The following TCAIM variants were observed in gnomAD, a reference collection of about 807,000 sequenced individuals.
TCAIM encodes the protein T cell activation inhibitor, mitochondrial, also known as T-cell activation inhibitor, mitochondrial.
TCAIM carries 36 observed loss-of-function variants against 58.6 expected under a neutral mutation model. That is an observed-to-expected ratio of 0.61 (90% CI 0.47 to 0.81). TCAIM has a LOEUF of 0.81. Among genes scored for constraint, TCAIM ranks in the 30% least tolerant of loss-of-function variants. The pLI is 0.00. For synonymous variants in TCAIM, 172 were observed against 193.6 expected (o/e 0.89, Z 0.93); for missense variants, 466 against 579.6 (o/e 0.80, Z 2.01).
intron 2 of TCAIM, among the ~76,000 whole-genome samples, chr3:44,355,791 G>C (rs190234003): frequency 2.0e-5 from 3 of 152,318 alleles, no homozygotes; most frequent in Non-Finnish European, 4.4e-5. Context: ...CTGGCCTTCT[G>C]TAACCAGGCT....
chr3:44,373,762 C>T (rs530623722), intron 5 of TCAIM, among the ~76,000 whole-genome samples: 18 of 152,056 alleles, frequency 1.2e-4, no homozygotes, highest in South Asian at 4.2e-4. Flanking sequence ...AATGCTGTTC[C>T]GTGTTGTCAA....
chr3:44,371,487 A>G (rs976910309), intron 5 of TCAIM, among the ~76,000 whole-genome samples: 7 of 152,182 alleles, frequency 4.6e-5, no homozygotes, highest in African/African-American at 1.7e-4. Flanking sequence ...TAGGAGAGAG[A>G]GGACAGCACT....
rs1702136341 is a variant in TCAIM at position 44,408,584 on chromosome 3, T to C, written c.*902T>C. 1 of 152,122 alleles carries C rather than the reference T, an allele frequency of 6.6e-6. No homozygotes were observed. The highest frequency in any genetic ancestry group is 1.5e-5 in the Non-Finnish European group (1 of 68,014). 9.4% of individuals were successfully genotyped at this position (152,122 alleles called of 1,614,324 possible). A position where few individuals can be genotyped will look rare whatever the true frequency, so the allele number is the denominator to read the frequency against. ...GTATGAAACCAACAGGAAATGTTTT[T>C]TAATCATTTAGTGAGGTGATTCATT... is the stretch of plus-strand genomic sequence containing the variant. On this transcript the variant is annotated 3_prime_UTR_variant, in exon 11 of 11. Coordinates refer to ENST00000342649, the MANE Select transcript of TCAIM (RefSeq NM_173826.4).
chr3:44,367,849 G>A, intron 5 of TCAIM, 141 bp downstream of exon 5: 1 of 800,518 alleles, frequency 1.2e-6, no homozygotes, highest in Non-Finnish European at 1.9e-6. Flanking sequence ...TCCAGGAAAA[G>A]TAATACTATC....
intron 4 of TCAIM, among the ~76,000 whole-genome samples, chr3:44,365,098 C>T (rs957487157): frequency 7.6e-6 from 1 of 131,864 alleles, no homozygotes; most frequent in Admixed American, 8.1e-5. Flanking sequence ...TGACTTTGCA[C>T]TTCTGAGGAT....
intron 1 of TCAIM, 77 bp from the exon 2 acceptor site, chr3:44,354,662 G>T: frequency 4.3e-6 from 4 of 929,394 alleles, no homozygotes; most frequent in East Asian, 5.1e-5. Flanking sequence ...CATATTTTGG[G>T]GTGATAATAT....
At chr3:44,343,709 A>C (rs1458262724) in intron 1 of TCAIM, among the ~76,000 whole-genome samples, 1 of 152,180 alleles carries the variant, frequency 6.6e-6, no homozygotes, top group African/African-American at 2.4e-5. Flanking sequence ...CTTTTTAGGA[A>C]ATAGCTTGCT....
intron 5 of TCAIM, among the ~76,000 whole-genome samples, chr3:44,383,984 G>T (rs1186808226): frequency 6.6e-6 from 1 of 152,010 alleles, no homozygotes; most frequent in Non-Finnish European, 1.5e-5. Context: ...CTTGTTTATA[G>T]GTAATTTCAT....
chr3:44,363,563 A>G (rs535667006), intron 4 of TCAIM, among the ~76,000 whole-genome samples: 4 of 152,346 alleles, frequency 2.6e-5, no homozygotes, highest in African/African-American at 9.6e-5. Context: ...TTATTAATAC[A>G]TTGAAATCCT....
Position 44,407,442 on chromosome 3 carries a change from G to A in TCAIM, c.1251G>A (p.Glu417=). Residue 417 remains glutamate, a splice_region_variant and synonymous_variant, in exon 11 of 11, where the codon GAG becomes GAA. Transcript: ENST00000342649. ...QARENMKRKE[E]LKVIENELIQ... is the part of the protein sequence containing the mutation. ...AATATTTTTATTTTCTATATAATAG[G>A]TTAAAGGTTATTGAAAATGAATTGA... 3 of 1,507,186 alleles carry A rather than the reference G, an allele frequency of 2.0e-6. No individual in the cohort carries two copies. Among genetic ancestry groups the A allele is most frequent in the Non-Finnish European group, 2.8e-6 (3 of 1,090,138 alleles). The allele number at this position is 1,507,186 out of a possible 1,614,324, so 93.4% of individuals were successfully genotyped here.
At chr3:44,394,721 C>T (rs985638324) in intron 6 of TCAIM, among the ~76,000 whole-genome samples, 2 of 150,154 alleles carry the variant, frequency 1.3e-5, no homozygotes, top group African/African-American at 4.9e-5. Flanking sequence ...TGGTGAAACC[C>T]CGTCTCTACT....
intron 2 of TCAIM, among the ~76,000 whole-genome samples, chr3:44,356,598 C>T (rs144689543): frequency 3.4e-3 from 520 of 151,952 alleles, no homozygotes; most frequent in Non-Finnish European, 5.1e-3. Flanking sequence ...TTCAAAAAAC[C>T]GCAAATAATT....
intron 9 of TCAIM, chr3:44,400,951 A>T: frequency 2.0e-6 from 1 of 510,278 alleles, no homozygotes; most frequent in Non-Finnish European, 3.5e-6. Context: ...TAGCTCTCAC[A>T]ACCTCACTGT....
At chr3:44,339,472 A>G (rs1700809285) in intron 1 of TCAIM, among the ~76,000 whole-genome samples, 1 of 152,224 alleles carries the variant, frequency 6.6e-6, no homozygotes, top group South Asian at 2.1e-4. Context: ...GTACTCTTCC[A>G]TAATTTGGAT....
intron 5 of TCAIM, among the ~76,000 whole-genome samples, chr3:44,373,543 A>G (rs1701514770): frequency 6.6e-6 from 1 of 151,614 alleles, no homozygotes. Context: ...AGTCCCAGCT[A>G]CTTGGGTGAC....
intron 1 of TCAIM, among the ~76,000 whole-genome samples, chr3:44,341,998 T>C (rs1025721077): frequency 6.6e-6 from 1 of 152,230 alleles, no homozygotes; most frequent in African/African-American, 2.4e-5. Flanking sequence ...TTAAATGTGC[T>C]GTCCAGATAA....
At position 44,361,353 on chromosome 3, in the gene TCAIM, G is replaced by A. The variant is rs768749322; in HGVS notation, c.166-12G>A. On this transcript the variant is annotated splice_polypyrimidine_tract_variant and intron_variant, in intron 3 of 10. Transcript: ENST00000342649. ...TATTTTGTATGTAAATGCCCTTAATGTTTTTTTCCAGGAAATCAATGAAAA... is the reference window on the plus strand; with the variant it reads ...TATTTTGTATGTAAATGCCCTTAATATTTTTTTCCAGGAAATCAATGAAAA... 6.3e-7 allele frequency: 1 copy of A among 1,588,044 alleles called. No individual in the cohort carries two copies. The highest frequency in any genetic ancestry group is 2.3e-5 in the East Asian group (1 of 44,424).
intron 5 of TCAIM, among the ~76,000 whole-genome samples, chr3:44,375,278 G>A (rs1272570468): frequency 1.3e-5 from 2 of 152,130 alleles, no homozygotes; most frequent in East Asian, 3.8e-4. Context: ...AAGAAAAGAG[G>A]TTTGTTTGGC....
rs774113824 is a variant in TCAIM, at chr3:44,407,586, T to G, written c.1395T>G (p.His465Gln). ...RLLEQSLPYL[H>Q]GMHLCISHFY... ...TAGAACAATCACTGCCTTACCTACA[T>G]GGGATGCACCTCTGCATTTCACATT... Residue 465 changes from histidine (H) to glutamine (Q), a missense_variant, in exon 11 of 11, where the codon CAT becomes CAG. Physicochemically the swap from His to Gln is conservative, Grantham distance 24. Coordinates refer to ENST00000342649, the MANE Select transcript of TCAIM (RefSeq NM_173826.4). 2 of 1,613,926 alleles carry G rather than the reference T, an allele frequency of 1.2e-6. No individual in the cohort carries two copies. The highest frequency in any genetic ancestry group is 2.7e-5 in the African/African-American group (2 of 74,926).
Sources: allele counts gnomAD v4.1 joint callset (sites outside exome capture counted in the v4.1 genomes callset), GRCh38; gene constraint gnomAD v4.1.1; transcripts MANE v1.5; gene names NCBI Gene and HGNC (gene_info 2026-07-23, HGNC 2026-07-21).